The following SETBP1 variants were observed in gnomAD, a reference collection of about 807,000 sequenced individuals.
SETBP1 encodes SET-binding protein.
A neutral mutation model predicts 101.0 loss-of-function variants in SETBP1; 9 were observed. The ratio of observed to expected loss-of-function variants is 0.09; its 90% CI spans 0.05 to 0.16. SETBP1 has a LOEUF of 0.16. Ranked by LOEUF, SETBP1 falls within the 10% of genes least tolerant of loss-of-function variation. The probability of loss-of-function intolerance (pLI) is 1.00; values close to 1 mark genes in which losing one functional copy is unlikely to be tolerated. For missense variants in SETBP1, 1,858 were observed against 2,033.8 expected (o/e 0.91, Z 1.66); for synonymous variants, 818 against 788.5 (o/e 1.04, Z -0.63).
At chr18:45,025,523 T>C (rs1188006848) in intron 4 of SETBP1, among the ~76,000 whole-genome samples, 1 of 152,172 alleles carries the variant, frequency 6.6e-6, no homozygotes, top group Non-Finnish European at 1.5e-5. Flanking sequence ...TTCACTTCTA[T>C]TGCAAAGAGG....
At chr18:44,696,071 G>A (rs974285552) in intron 1 of SETBP1, among the ~76,000 whole-genome samples, 6 of 152,150 alleles carry the variant, frequency 3.9e-5, no homozygotes, top group Non-Finnish European at 7.3e-5. Flanking sequence ...AGCAGAAGAG[G>A]GAGGTGAATA....
chr18:44,861,229 CTTTTTTTTT>C lies in SETBP1; in HGVS notation c.487-7982_487-7974del, dbSNP rs775284488. On this transcript the variant is annotated intron_variant, in intron 2 of 5. Coordinates refer to ENST00000649279, the MANE Select transcript of SETBP1 (RefSeq NM_015559.3). ...GTCTTGTGGATTTCCTTTTTCTTTT[CTTTTTTTTT>C]TTTTTTTTTTTTTTTTTTGAGACGG... 5.7e-4 allele frequency among the ~76,000 whole-genome samples: 50 copies of C among 88,338 alleles called. 1 individual carries two copies. The highest frequency in any genetic ancestry group is 5.2e-3 in the East Asian group (15 of 2,886). The allele number at this position is 88,338 out of a possible 152,430, so 58.0% of individuals were successfully genotyped here.
At chr18:44,690,939 C>T (rs2068920735) in intron 1 of SETBP1, among the ~76,000 whole-genome samples, 1 of 152,068 alleles carries the variant, frequency 6.6e-6, no homozygotes. Context: ...TATTGTGCTA[C>T]ACATATTATT....
chr18:44,958,115 T>C (rs1228842265), intron 4 of SETBP1, among the ~76,000 whole-genome samples: 1 of 152,212 alleles, frequency 6.6e-6, no homozygotes, highest in African/African-American at 2.4e-5. Context: ...TGACCAGACC[T>C]AATAGTTGAA....
chr18:44,839,073 T>TAAA (rs11295119), intron 2 of SETBP1, among the ~76,000 whole-genome samples: 2 of 146,268 alleles, frequency 1.4e-5, no homozygotes, highest in Non-Finnish European at 3.0e-5. Context: ...CTTAATATCT[T>TAAA]AAAAAAAAAA....
chr18:44,960,475 C>T (rs944511163), intron 4 of SETBP1, among the ~76,000 whole-genome samples: 1 of 152,072 alleles, frequency 6.6e-6, no homozygotes, highest in Non-Finnish European at 1.5e-5. Flanking sequence ...GCTAGGACTA[C>T]AGGTGTATGC....
At chr18:44,944,025 G>A (rs531799902) in intron 3 of SETBP1, among the ~76,000 whole-genome samples, 23 of 151,984 alleles carry the variant, frequency 1.5e-4, no homozygotes, top group African/African-American at 4.8e-4. Flanking sequence ...GTAGAGACAG[G>A]ATTTTGTCTT....
chr18:44,721,955 C>T lies in SETBP1; in HGVS notation c.486+20123C>T, dbSNP rs138584175. On this transcript the variant is annotated intron_variant, in intron 2 of 5. Coordinates refer to ENST00000649279, the MANE Select transcript of SETBP1 (RefSeq NM_015559.3). Reference sequence around the variant, plus strand: ...TCCCCACCGAAGCAAATCTTTGTGGCTTCTGATAATTTGCATATTGTCACT... The same window carrying T: ...TCCCCACCGAAGCAAATCTTTGTGGTTTCTGATAATTTGCATATTGTCACT... Among the ~76,000 whole-genome samples the T allele has an allele frequency of 9.0e-3, 1,368 of 152,306 alleles. 38 individuals carry two copies. The highest frequency in any genetic ancestry group is 0.065 in the East Asian group (335 of 5,180).
intron 3 of SETBP1, among the ~76,000 whole-genome samples, chr18:44,902,220 A>G (rs1026151760): frequency 1.1e-4 from 11 of 102,332 alleles, no homozygotes; most frequent in African/African-American, 2.9e-4. Context: ...CTCACTACAT[A>G]TATCTCTCTC....
intron 2 of SETBP1, among the ~76,000 whole-genome samples, chr18:44,730,729 C>T (rs1376453766): frequency 6.6e-6 from 1 of 152,154 alleles, no homozygotes; most frequent in Non-Finnish European, 1.5e-5. Flanking sequence ...AGAAGAGTTA[C>T]AGTGGGGGTG....
chr18:44,733,202 A>T (rs922764165), intron 2 of SETBP1: 1 of 152,172 alleles, frequency 6.6e-6, no homozygotes, highest in Non-Finnish European at 1.5e-5. Flanking sequence ...ATGCCAGCTC[A>T]TCTGAGCTAC....
At chr18:44,871,773 A>G (rs1245568521) in intron 3 of SETBP1, 2 of 152,204 alleles carry the variant, frequency 1.3e-5, no homozygotes, top group Non-Finnish European at 2.9e-5. Flanking sequence ...GGAAATAAAC[A>G]CATGACTTTT....
chr18:44,884,360 A>C (rs1394419841), intron 3 of SETBP1, among the ~76,000 whole-genome samples: 2 of 152,096 alleles, frequency 1.3e-5, no homozygotes, highest in Admixed American at 6.6e-5. Context: ...TTTTTCAATA[A>C]ATGCAATTGT....
chr18:44,945,318 T>G (rs1314958144), intron 3 of SETBP1, among the ~76,000 whole-genome samples: 1 of 152,208 alleles, frequency 6.6e-6, no homozygotes, highest in Non-Finnish European at 1.5e-5. Context: ...GGGCACACAC[T>G]TTAAATGTAT....
At chr18:44,824,457 G>A (rs781160576) in intron 2 of SETBP1, among the ~76,000 whole-genome samples, 39 of 151,826 alleles carry the variant, frequency 2.6e-4, no homozygotes, top group Admixed American at 7.9e-4. Context: ...CTGTGGTAAG[G>A]GTCCACATTA....
chr18:44,951,340 A>G lies in SETBP1; in HGVS notation c.2000A>G (p.Asn667Ser). 6.2e-7 allele frequency: 1 copy of G among 1,613,930 alleles called. No individual in the cohort carries two copies. ...GATAAGAAGACCATCAAAACTATCAATAAGATGAAGACACTCAAGAGGAAA... is the reference window on the plus strand; with the variant it reads ...GATAAGAAGACCATCAAAACTATCAGTAAGATGAAGACACTCAAGAGGAAA... The part of the protein sequence containing the change: ...VLDKKTIKTI[N>S]KMKTLKRKNI... The change falls in exon 4 of 6, where the codon AAT becomes AGT. Residue 667 changes from asparagine to serine, a missense_variant. Asn to Ser is a conservative substitution (Grantham distance 46). Transcript: ENST00000649279. The surrounding 1 kb of genome is among the most constrained non-coding windows in gnomAD (Gnocchi z 7.8).
chr18:44,741,874 C>T (rs1266483384), intron 2 of SETBP1, among the ~76,000 whole-genome samples: 1 of 152,192 alleles, frequency 6.6e-6, no homozygotes, highest in African/African-American at 2.4e-5. Context: ...GCCGAGAGAG[C>T]TTTCTTGGGT....
At chr18:44,921,061 A>G (rs2070569515) in intron 3 of SETBP1, among the ~76,000 whole-genome samples, 1 of 152,208 alleles carries the variant, frequency 6.6e-6, no homozygotes, top group Non-Finnish European at 1.5e-5. Context: ...TTCTTTATTC[A>G]TAAAAGGAGG....
At chr18:44,795,081 T>A (rs1036319475) in intron 2 of SETBP1, among the ~76,000 whole-genome samples, 1 of 152,160 alleles carries the variant, frequency 6.6e-6, no homozygotes, top group African/African-American at 2.4e-5. Flanking sequence ...CTAAGTGCAA[T>A]AAATCTAGTA....
Sources: allele counts gnomAD v4.1 joint callset (sites outside exome capture counted in the v4.1 genomes callset), GRCh38; gene constraint gnomAD v4.1.1; non-coding constraint Gnocchi (gnomAD v3.1); transcripts MANE v1.5; gene names NCBI Gene and HGNC (gene_info 2026-07-23, HGNC 2026-07-21).